The following TNR variants were observed in gnomAD, a reference collection of about 807,000 sequenced individuals.
The protein encoded by TNR is tenascin-R.
TNR carries 45 observed loss-of-function variants against 150.4 expected under a neutral mutation model. The observed-to-expected ratio is 0.30, with a 90% CI of 0.24 to 0.38. The LOEUF (loss-of-function observed/expected upper bound fraction) is 0.38, where lower values mean the gene tolerates loss of function less well. Ranked by LOEUF, TNR falls within the 10% of genes least tolerant of loss-of-function variation. TNR has a pLI of 1.00. For synonymous variants in TNR, 687 were observed against 678.4 expected (o/e 1.01, Z -0.20); for missense variants, 1,544 against 1,759.1 (o/e 0.88, Z 2.19).
intron 8 of TNR, among the ~76,000 whole-genome samples, chr1:175,382,015 T>C (rs938041514): frequency 3.3e-5 from 5 of 152,260 alleles, no homozygotes; most frequent in Non-Finnish European, 5.9e-5. Context: ...GCTTAGGTCA[T>C]CTAGGTCTCA....
chr1:175,388,629 G>T (rs570553795), intron 7 of TNR, among the ~76,000 whole-genome samples: 185 of 152,326 alleles, frequency 1.2e-3, no homozygotes, highest in Non-Finnish European at 1.9e-3. Context: ...TGGTAGCAAT[G>T]TTCCATTCCA....
chr1:175,524,502 T>C (rs751285214), intron 2 of TNR, among the ~76,000 whole-genome samples: 6 of 151,438 alleles, frequency 4.0e-5, no homozygotes, highest in Non-Finnish European at 8.8e-5. Context: ...AAAATGCAAG[T>C]GAGGAAAGGA....
At chr1:175,404,420 C>T (rs1653857803) in intron 3 of TNR, among the ~76,000 whole-genome samples, 1 of 152,210 alleles carries the variant, frequency 6.6e-6, no homozygotes, top group Non-Finnish European at 1.5e-5. Context: ...GCTATGACCC[C>T]TCTGGGATTC....
chr1:175,329,835 A>G (rs1294709581), intron 21 of TNR, among the ~76,000 whole-genome samples: 1 of 152,146 alleles, frequency 6.6e-6, no homozygotes, highest in African/African-American at 2.4e-5. Context: ...AGGCATCCTT[A>G]TTATGATTTT....
rs533729679 is a variant in TNR, at chr1:175,715,646, G to A, written c.-165+27580C>T. ...AAGTTGGTACCATGGGATGATGCTG[G>A]GATGTCATAAGAGATGCTCTCATGG... On this transcript the variant is annotated intron_variant, in intron 1 of 22. Transcript: ENST00000367674. 4.6e-5 allele frequency among the ~76,000 whole-genome samples: 7 copies of A among 152,330 alleles called. No individual in the cohort carries two copies. The East Asian group carries it at 1.4e-3, about 29-fold the overall frequency.
intron 2 of TNR, among the ~76,000 whole-genome samples, chr1:175,462,384 G>A (rs184374457): frequency 2.8e-4 from 43 of 152,260 alleles, no homozygotes; most frequent in Non-Finnish European, 4.9e-4. Context: ...TGTGTGTACC[G>A]AAAACATTTT....
chr1:175,330,111 C>A lies in TNR; in HGVS notation c.3756G>T (p.Leu1252=). The change falls in exon 21 of 23, where the codon CTG becomes CTT. Residue 1252 remains leucine, a synonymous_variant. Transcript: ENST00000367674. ...DRFSVEDSRN[L]YKLRIGSYNG... ...TGTAGCTTCCTATGCGGAGTTTGTA[C>A]AGGTTTCTGCTGTCCTCGACAGAGA... 1 of 1,609,124 alleles carries A rather than the reference C, an allele frequency of 6.2e-7. No individual in the cohort carries two copies. The highest frequency in any genetic ancestry group is 1.1e-5 in the South Asian group (1 of 90,778).
intron 2 of TNR, among the ~76,000 whole-genome samples, chr1:175,436,150 C>T (rs973231334): frequency 3.9e-5 from 6 of 152,044 alleles, no homozygotes; most frequent in Non-Finnish European, 7.4e-5. Flanking sequence ...ATCTTTGTGG[C>T]GTTCTCTGTA....
intron 12 of TNR, among the ~76,000 whole-genome samples, chr1:175,364,236 T>C (rs1651732792): frequency 6.6e-6 from 1 of 152,194 alleles, no homozygotes; most frequent in Admixed American, 6.5e-5. Flanking sequence ...GTTTCAGTTT[T>C]GAAAAACTGC....
intron 1 of TNR, among the ~76,000 whole-genome samples, chr1:175,624,054 A>T (rs1238722942): frequency 1.3e-5 from 2 of 152,252 alleles, no homozygotes; most frequent in African/African-American, 4.8e-5. Context: ...GTGGGCACAC[A>T]CCCACCTGGA....
intron 1 of TNR, among the ~76,000 whole-genome samples, chr1:175,665,846 C>T (rs539459428): frequency 3.9e-5 from 6 of 152,284 alleles, no homozygotes; most frequent in South Asian, 4.1e-4. Context: ...GTGATTATTA[C>T]GTTCATGGTA....
chr1:175,674,710 C>T (rs1665809487), intron 1 of TNR, among the ~76,000 whole-genome samples: 1 of 152,154 alleles, frequency 6.6e-6, no homozygotes, highest in South Asian at 2.1e-4. Context: ...GTCCTAGCGC[C>T]AGGCCAGGTG....
chr1:175,645,166 T>A (rs926380009), intron 1 of TNR, among the ~76,000 whole-genome samples: 1 of 152,212 alleles, frequency 6.6e-6, no homozygotes, highest in Admixed American at 6.5e-5. Context: ...CATTTTTAAA[T>A]GACCTCAAAA....
rs568141797 is a variant in TNR at position 175,364,424 on chromosome 1, C to T, written c.2587+586G>A. Among the ~76,000 whole-genome samples the T allele has an allele frequency of 6.1e-4, 92 of 151,210 alleles. No homozygotes were observed. The South Asian group carries it at 0.015, about 25-fold the overall frequency. ...TGAGTTCTTGTTAGTAAGGAGGAAA[C>T]TACCCAAACATACATATCTTCACCC... is the stretch of plus-strand genomic sequence containing the variant. On this transcript the variant is annotated intron_variant, in intron 12 of 22. Coordinates refer to ENST00000367674, the MANE Select transcript of TNR (RefSeq NM_003285.3).
intron 2 of TNR, among the ~76,000 whole-genome samples, chr1:175,463,845 GA>G (rs1032555947): frequency 1.1e-4 from 16 of 152,328 alleles, no homozygotes; most frequent in African/African-American, 3.4e-4. Flanking sequence ...AGGCAGAAAT[GA>G]AGGAAGGTTG....
chr1:175,655,050 G>A (rs1420910867), intron 1 of TNR, among the ~76,000 whole-genome samples: 1 of 152,068 alleles, frequency 6.6e-6, no homozygotes, highest in African/African-American at 2.4e-5. Context: ...AAGTGGGTGT[G>A]ATCTCTTCCT....
rs567655067 is a variant in TNR, at chr1:175,679,082, G to A, written c.-165+64144C>T. Among the ~76,000 whole-genome samples the A allele has an allele frequency of 7.2e-4, 109 of 152,304 alleles. 1 individual carries two copies. The highest frequency in any genetic ancestry group is 2.5e-3 in the African/African-American group (103 of 41,562). On this transcript the variant is annotated intron_variant, in intron 1 of 22. Transcript: ENST00000367674. ...TAAAGCAGCTTCTGACTTGCGGGAG[G>A]GCTTAAGAAAAGATGTTCCAGTGAA...
chr1:175,404,431 T>G (rs2102046511), intron 3 of TNR, among the ~76,000 whole-genome samples: 1 of 152,346 alleles, frequency 6.6e-6, no homozygotes, highest in East Asian at 1.9e-4. Flanking sequence ...TCTGGGATTC[T>G]ACGCATGTCT....
At chr1:175,565,838 CT>C (rs1424341795) in intron 1 of TNR, among the ~76,000 whole-genome samples, 8 of 152,230 alleles carry the variant, frequency 5.3e-5, no homozygotes, top group Non-Finnish European at 7.4e-5. Flanking sequence ...CATGAAACTA[CT>C]AAAAAACGAA....
Sources: gnomAD v4.1 joint callset for allele counts (sites outside exome capture counted in the v4.1 genomes callset) on GRCh38, gnomAD v4.1.1 for gene constraint, MANE v1.5 for transcripts, NCBI Gene and HGNC (gene_info 2026-07-23, HGNC 2026-07-21) for gene names.